Variants in EYS observed in about 807,000 individuals in gnomAD.
EYS encodes EGF-like photoreceptor maintenance factor, also known as protein eyes shut homolog.
Under a neutral mutation model 282.1 loss-of-function variants are expected in EYS, and 250 were observed. The ratio of observed to expected loss-of-function variants is 0.89; its 90% CI spans 0.80 to 0.98. EYS has a LOEUF of 0.98. EYS is among the 50% of genes least tolerant of loss of function. EYS has a pLI of 0.00. For missense variants in EYS, 4,016 were observed against 3,709.0 expected (o/e 1.08, Z -2.15); for synonymous variants, 1,355 against 1,282.9 (o/e 1.06, Z -1.20).
At chr6:64,389,942 A>G (rs602573) in intron 28 of EYS, among the ~76,000 whole-genome samples, 112,586 of 148,864 alleles carry the variant, frequency 0.76, 43,163 homozygotes, top group African/African-American at 0.89. Flanking sequence ...GAAGCAGGGC[A>G]AGGCATTGCC....
chr6:65,431,994 A>G (rs1055365008), intron 5 of EYS, among the ~76,000 whole-genome samples: 1 of 152,176 alleles, frequency 6.6e-6, no homozygotes, highest in African/African-American at 2.4e-5. Flanking sequence ...AATACCAAAA[A>G]CAATTCCTCA....
chr6:63,732,743 GGTT>G (rs1768812475), intron 41 of EYS, among the ~76,000 whole-genome samples: 1 of 152,148 alleles, frequency 6.6e-6, no homozygotes, highest in African/African-American at 2.4e-5. Context: ...CATAGGCAAA[GGTT>G]TGTGCCAACA....
At chr6:65,242,343 C>A (rs1347270149) in intron 12 of EYS, among the ~76,000 whole-genome samples, 2 of 151,808 alleles carry the variant, frequency 1.3e-5, no homozygotes, top group Non-Finnish European at 2.9e-5. Context: ...ATGCATTTGC[C>A]TTTTCTGTAT....
chr6:65,677,953 A>G (rs1012333258), intron 1 of EYS, among the ~76,000 whole-genome samples: 9 of 152,022 alleles, frequency 5.9e-5, no homozygotes, highest in African/African-American at 2.2e-4. Flanking sequence ...GTGTTAGTCC[A>G]TTGTTGTGTT....
At chr6:64,020,760 C>A (rs1270974518) in intron 33 of EYS, among the ~76,000 whole-genome samples, 1 of 152,102 alleles carries the variant, frequency 6.6e-6, no homozygotes, top group Non-Finnish European at 1.5e-5. Context: ...GCAAACTTTT[C>A]CATGGTGGGT....
intron 22 of EYS, among the ~76,000 whole-genome samples, chr6:64,704,796 C>A (rs1770942699): frequency 6.6e-6 from 1 of 151,928 alleles, no homozygotes; most frequent in Non-Finnish European, 1.5e-5. Flanking sequence ...TTACGACCAT[C>A]AAATATTGAA....
chr6:63,787,495 C>G (rs1036139872), intron 39 of EYS: 3 of 152,252 alleles, frequency 2.0e-5, no homozygotes, highest in Non-Finnish European at 4.4e-5. Flanking sequence ...AAATCATGCT[C>G]TCCATTTCCC....
rs1007334698 is a variant in EYS, at chr6:64,653,086, C to T, written c.3444-26841G>A. On this transcript the variant is annotated intron_variant, in intron 22 of 42. Transcript: ENST00000503581. The stretch of plus-strand genomic sequence containing the variant: ...TTATTAGAGTGGACTCTAATGCAAT[C>T]TGACTGGTATCCCTAATTAAAATCA... Among the ~76,000 whole-genome samples the T allele has an allele frequency of 2.3e-5, 3 of 128,778 alleles. No individual in the cohort carries two copies. In the South Asian group the frequency reaches 8.6e-4, roughly 37 times the overall value. 84.5% of individuals were successfully genotyped at this position (128,778 alleles called of 152,430 possible).
In EYS at chr6:63,938,834, T is replaced by C. The variant is rs560199252; in HGVS notation, c.7055+45549A>G. On this transcript the variant is annotated intron_variant, in intron 35 of 42. Transcript: ENST00000503581. ...CACACGTGTACTCAAGGGTGCTGAG[T>C]TGGATGAGCACATATTTTACAAAGA... Among the ~76,000 whole-genome samples, 5 of 152,272 alleles carry C rather than the reference T, an allele frequency of 3.3e-5. No homozygotes were observed. The South Asian group carries it at 1.0e-3, about 32-fold the overall frequency.
At chr6:65,011,963 C>T (rs1771886779) in intron 13 of EYS, among the ~76,000 whole-genome samples, 1 of 151,926 alleles carries the variant, frequency 6.6e-6, no homozygotes, top group South Asian at 2.1e-4. Context: ...AATCTTGCAA[C>T]AGCAAAAAAA....
intron 36 of EYS, among the ~76,000 whole-genome samples, chr6:63,818,594 G>GT (rs1771241754): frequency 1.3e-5 from 2 of 152,072 alleles, no homozygotes; most frequent in South Asian, 4.1e-4. Context: ...GTGTGGTAAG[G>GT]TTTTTTAAGA....
intron 41 of EYS, among the ~76,000 whole-genome samples, chr6:63,738,452 T>G (rs1202439513): frequency 6.6e-6 from 1 of 151,524 alleles, no homozygotes; most frequent in African/African-American, 2.4e-5. Flanking sequence ...ATGGATGAAA[T>G]TGGAAATCAT....
chr6:64,008,138 T>G (rs557386609), intron 33 of EYS, among the ~76,000 whole-genome samples: 4 of 152,348 alleles, frequency 2.6e-5, no homozygotes, highest in African/African-American at 9.6e-5. Context: ...TCTAAGAACT[T>G]GCTTGATGAA....
intron 19 of EYS, among the ~76,000 whole-genome samples, chr6:64,860,841 C>T (rs1435158532): frequency 6.6e-6 from 1 of 152,166 alleles, no homozygotes; most frequent in East Asian, 1.9e-4. Context: ...TAGAACAGCT[C>T]AGAGGAGACC....
intron 35 of EYS, among the ~76,000 whole-genome samples, chr6:63,917,158 G>A (rs757560349): frequency 5.9e-5 from 9 of 152,224 alleles, no homozygotes; most frequent in African/African-American, 9.6e-5. Flanking sequence ...ACACGTGCAC[G>A]CGCGTGCATG....
intron 41 of EYS, among the ~76,000 whole-genome samples, chr6:63,741,307 A>G (rs1769070348): frequency 6.6e-6 from 1 of 152,218 alleles, no homozygotes; most frequent in South Asian, 2.1e-4. Flanking sequence ...TAACTGGCCA[A>G]TACCATCTAG....
At chr6:64,700,298 A>C (rs1770735742) in intron 22 of EYS, among the ~76,000 whole-genome samples, 1 of 152,036 alleles carries the variant, frequency 6.6e-6, no homozygotes, top group South Asian at 2.1e-4. Flanking sequence ...AGAAAAAGTT[A>C]AAGAATTTAT....
intron 12 of EYS, among the ~76,000 whole-genome samples, chr6:65,159,292 T>A (rs1404117434): frequency 6.6e-6 from 1 of 150,856 alleles, no homozygotes; most frequent in African/African-American, 2.4e-5. Flanking sequence ...GTAGACCCCT[T>A]CTGGTTCTAT....
At chr6:65,443,225 T>C (rs938525994) in intron 5 of EYS, among the ~76,000 whole-genome samples, 4 of 151,732 alleles carry the variant, frequency 2.6e-5, no homozygotes, top group African/African-American at 7.3e-5. Flanking sequence ...CATATACACA[T>C]GTATGTGAAC....
Sources: allele counts gnomAD v4.1 joint callset (sites outside exome capture counted in the v4.1 genomes callset), GRCh38; gene constraint gnomAD v4.1.1; transcripts MANE v1.5; gene names NCBI Gene and HGNC (gene_info 2026-07-23, HGNC 2026-07-21).